Variants in USP48 observed in about 807,000 individuals in gnomAD.
USP48 encodes ubiquitin carboxyl-terminal hydrolase 48.
A neutral mutation model predicts 150.7 loss-of-function variants in USP48; 43 were observed. That is an observed-to-expected ratio of 0.29 (90% confidence interval 0.22 to 0.37). The LOEUF (loss-of-function observed/expected upper bound fraction) is 0.37. USP48 is among the 10% of genes least tolerant of loss of function. The pLI is 1.00. For synonymous variants in USP48, 396 were observed against 425.9 expected, an observed-to-expected ratio of 0.93 and a Z score of 0.86; for missense variants, 813 against 1,249.6, an observed-to-expected ratio of 0.65 and a Z score of 5.27.
chr1:21,726,994 T>A (rs1260911884), intron 11 of USP48, among the ~76,000 whole-genome samples: 2 of 152,018 alleles, frequency 1.3e-5, no homozygotes, highest in Admixed American at 1.3e-4. Context: ...ACATGACACA[T>A]TTTCTTTGGA....
At chr1:21,688,773 G>C (rs2097586693) in intron 24 of USP48, among the ~76,000 whole-genome samples, 1 of 149,990 alleles carries the variant, frequency 6.7e-6, no homozygotes, top group Admixed American at 6.7e-5. Flanking sequence ...AATCTGGGAG[G>C]TGGAGGTTGC....
At chr1:21,685,618 T>C (rs1169955492) in intron 25 of USP48, among the ~76,000 whole-genome samples, 1 of 152,154 alleles carries the variant, frequency 6.6e-6, no homozygotes, top group Non-Finnish European at 1.5e-5. Context: ...CCCAGCCGCT[T>C]TCTTGATTTC....
intron 25 of USP48, 50 bp from the exon 26 acceptor site, chr1:21,680,884 C>T (rs1235712196): frequency 6.9e-7 from 1 of 1,446,862 alleles, no homozygotes; most frequent in African/African-American, 1.4e-5. Context: ...ATTGTCGTGA[C>T]AGACAGTAAT....
chr1:21,767,863 A>T (rs2097866230), intron 1 of USP48, among the ~76,000 whole-genome samples: 1 of 152,304 alleles, frequency 6.6e-6, no homozygotes, highest in South Asian at 2.1e-4. Flanking sequence ...GTAATGCCTC[A>T]TGGCATTACT....
At chr1:21,761,470 T>C (rs190353951) in intron 1 of USP48, among the ~76,000 whole-genome samples, 10 of 150,966 alleles carry the variant, frequency 6.6e-5, no homozygotes, top group Admixed American at 5.3e-4. Context: ...GGTCTTGCCA[T>C]GTTGCCCCAG....
chr1:21,717,731 G>C (rs370728629), intron 14 of USP48, among the ~76,000 whole-genome samples: 5 of 152,184 alleles, frequency 3.3e-5, no homozygotes, highest in South Asian at 2.1e-4. Context: ...GCTGAGGTGG[G>C]CAGATTAAGG....
intron 8 of USP48, among the ~76,000 whole-genome samples, chr1:21,742,126 A>G (rs2097783267): frequency 6.6e-6 from 1 of 152,042 alleles, no homozygotes; most frequent in Non-Finnish European, 1.5e-5. Flanking sequence ...TCATACTCCA[A>G]TTTTAGGGTT....
At position 21,699,505 on chromosome 1, in the gene USP48, T is replaced by C. The variant is rs2097648596; in HGVS notation, c.2727+1993A>G. On this transcript the variant is annotated intron_variant, in intron 22 of 26. Coordinates refer to ENST00000308271, the MANE Select transcript of USP48 (RefSeq NM_032236.8). ...GAGCCACCGTGCCTGGCCTAATTTT[T>C]GTATTTTTATTTATTTATTTATTTT... 2.7e-5 allele frequency among the ~76,000 whole-genome samples: 4 copies of C among 149,436 alleles called. No individual in the cohort carries two copies. The South Asian group carries it at 8.5e-4, about 32-fold the overall frequency.
Position 21,719,350 on chromosome 1 carries a change from T to A in USP48, c.1894+1686A>T, listed in dbSNP as rs1235966882. Among the ~76,000 whole-genome samples, 3 of 151,354 alleles carry A rather than the reference T, an allele frequency of 2.0e-5. No individual in the cohort carries two copies. In the East Asian group the frequency reaches 5.8e-4, roughly 29 times the overall value. On this transcript the variant is annotated intron_variant, in intron 14 of 26. Transcript: ENST00000308271. ...TAAAAACTCTTCAAGTTTGAAAATG[T>A]TAATCACAGCTCAAAGAGTTTAAAA...
At chr1:21,682,444 CTT>C (rs139299505) in intron 25 of USP48, among the ~76,000 whole-genome samples, 1 of 144,332 alleles carries the variant, frequency 6.9e-6, no homozygotes. Flanking sequence ...CTATTGTTTG[CTT>C]TTTTTTTTTG....
At chr1:21,755,359 G>C (rs901139836) in intron 3 of USP48, among the ~76,000 whole-genome samples, 1 of 151,954 alleles carries the variant, frequency 6.6e-6, no homozygotes, top group South Asian at 2.1e-4. Flanking sequence ...CCAGGAGTTT[G>C]AGACCAGCCT....
At chr1:21,756,417 G>A (rs565221369) in intron 3 of USP48, 129 bp downstream of exon 3, 17 of 1,120,206 alleles carry the variant, frequency 1.5e-5, no homozygotes, top group Middle Eastern at 4.4e-4. Flanking sequence ...GGAGGCAGAC[G>A]TTGCAGTGAA....
At chr1:21,683,687 G>A (rs2097572960) in intron 25 of USP48, among the ~76,000 whole-genome samples, 1 of 152,086 alleles carries the variant, frequency 6.6e-6, no homozygotes, top group Non-Finnish European at 1.5e-5. Flanking sequence ...TTTTCTTCTA[G>A]CTCTTTTGAA....
intron 11 of USP48, chr1:21,724,581 C>T (rs371807102): frequency 1.8e-5 from 3 of 165,944 alleles, no homozygotes; most frequent in Non-Finnish European, 3.9e-5. Context: ...TAAACCTCAC[C>T]GACTATGACC....
chr1:21,727,763 T>C (rs752851764), intron 11 of USP48: 5 of 525,484 alleles, frequency 9.5e-6, no homozygotes, highest in African/African-American at 4.1e-5. Flanking sequence ...TATATTCTTA[T>C]AGACTTGGCA....
In USP48 at chr1:21,704,239, C is replaced by G. The variant is rs375586783; in HGVS notation, c.2515+23G>C. ...AAATGTCAGCTCTTAACTATAGAAACCGAAAGCAATATGAAAACTTACTGG... is the reference window on the plus strand; with the variant it reads ...AAATGTCAGCTCTTAACTATAGAAAGCGAAAGCAATATGAAAACTTACTGG... On this transcript the variant is annotated intron_variant, in intron 20 of 26. Coordinates refer to ENST00000308271, the MANE Select transcript of USP48 (RefSeq NM_032236.8). The G allele has an allele frequency of 7.2e-5, 116 of 1,603,774 alleles. No homozygotes were observed. The African/African-American group carries it at 7.8e-4, about 11-fold the overall frequency.
rs1231627576 is a variant in USP48 at position 21,747,123 on chromosome 1, T to C, written c.935A>G (p.Asn312Ser). Residue 312 changes from asparagine (N) to serine (S), a missense_variant, in exon 8 of 27, where the codon AAT becomes AGT. Coordinates refer to ENST00000308271, the MANE Select transcript of USP48 (RefSeq NM_032236.8). Reference sequence around the variant, plus strand: ...AATTTCTGAGAAGCCAATGTAGGTATTCAGCTTTTTCTTATGTCCAGTTTG... The same window carrying C: ...AATTTCTGAGAAGCCAATGTAGGTACTCAGCTTTTTCTTATGTCCAGTTTG... ...DRQTGHKKKL[N>S]TYIGFSEILD... 1 of 1,611,396 alleles carries C rather than the reference T, an allele frequency of 6.2e-7. No individual in the cohort carries two copies. Among genetic ancestry groups the C allele is most frequent in the African/African-American group, 1.3e-5 (1 of 74,876 alleles).
chr1:21,727,265 G>A (rs986514869), intron 11 of USP48, among the ~76,000 whole-genome samples: 3 of 152,074 alleles, frequency 2.0e-5, no homozygotes, highest in Non-Finnish European at 4.4e-5. Context: ...ATTTTACAGC[G>A]TGGACTGTCT....
chr1:21,777,679 TAAG>T (rs1217010757), intron 1 of USP48, among the ~76,000 whole-genome samples: 4 of 151,796 alleles, frequency 2.6e-5, no homozygotes, highest in Non-Finnish European at 5.9e-5. Context: ...CTGATAAGAA[TAAG>T]AAGGCGGAGA....
Sources: gnomAD v4.1 joint callset for allele counts (sites outside exome capture counted in the v4.1 genomes callset) on GRCh38, gnomAD v4.1.1 for gene constraint, MANE v1.5 for transcripts, NCBI Gene and HGNC (gene_info 2026-07-23, HGNC 2026-07-21) for gene names.